The following DIAPH2 variants were observed in gnomAD, a reference collection of about 807,000 sequenced individuals.
DIAPH2 encodes the protein protein diaphanous homolog 2.
A neutral mutation model predicts 92.7 loss-of-function variants in DIAPH2; 35 were observed. That is an observed-to-expected ratio of 0.38 (90% CI 0.29 to 0.50). The LOEUF is 0.50. Among genes scored for constraint, DIAPH2 ranks in the 20% least tolerant of loss-of-function variants. The probability of loss-of-function intolerance (pLI) is 0.94; values close to 1 mark genes in which losing one functional copy is unlikely to be tolerated. For synonymous variants in DIAPH2, 301 were observed against 280.4 expected (o/e 1.07, Z -0.73); for missense variants, 701 against 819.5 (o/e 0.86, Z 1.77).
Position 97,599,538 on chromosome X carries a change from AT to A in DIAPH2, c.*225del. ...TTATCAGGATTACAAAATGTGTTCC[AT>A]TTTAGTGTAAAGATGTGTATCATTT... is the stretch of plus-strand genomic sequence containing the variant. On this transcript the variant is annotated 3_prime_UTR_variant, in exon 27 of 27. Transcript: ENST00000324765. 1 of 240,019 alleles carries A rather than the reference AT, an allele frequency of 4.2e-6. No individual in the cohort carries two copies. Among genetic ancestry groups the A allele is most frequent in the Non-Finnish European group, 7.6e-6 (1 of 130,855 alleles). The allele number at this position is 240,019 out of a possible 1,213,427, so 19.8% of individuals were successfully genotyped here. A position where few individuals can be genotyped will look rare whatever the true frequency, so the allele number is the denominator to read the frequency against.
At chrX:96,913,224 T>A (rs930588025) in intron 7 of DIAPH2, among the ~76,000 whole-genome samples, 4 of 111,334 alleles carry the variant, frequency 3.6e-5, no homozygotes, top group African/African-American at 1.3e-4. Flanking sequence ...TTGGAAAAAG[T>A]GTATTTGACT....
At chrX:97,355,884 T>A (rs6620265) in intron 24 of DIAPH2, among the ~76,000 whole-genome samples, 3,903 of 111,772 alleles carry the variant, frequency 0.035, 180 homozygotes, top group African/African-American at 0.12. Flanking sequence ...CTGAGTGCCT[T>A]TATTCTAGAG....
At chrX:97,237,509 T>C (rs963460312) in intron 22 of DIAPH2, among the ~76,000 whole-genome samples, 1 of 111,307 alleles carries the variant, frequency 9.0e-6, no homozygotes, top group African/African-American at 3.3e-5. Flanking sequence ...GTTTGAGTTG[T>C]AGGTGGGTGG....
intron 1 of DIAPH2, among the ~76,000 whole-genome samples, chrX:96,695,481 A>C (rs1441201754): frequency 2.7e-5 from 3 of 111,865 alleles, no homozygotes; most frequent in Non-Finnish European, 1.9e-5. Flanking sequence ...AAAATCCTAC[A>C]TTTTAATATA....
At chrX:96,882,959 CAAA>C (rs1211958338) in intron 5 of DIAPH2, among the ~76,000 whole-genome samples, 1 of 32,004 alleles carries the variant, frequency 3.1e-5, no homozygotes, top group African/African-American at 1.1e-4. Flanking sequence ...ACCCTGTCTC[CAAA>C]AAAAAAAAAA....
At chrX:97,130,527 T>G in intron 21 of DIAPH2, among the ~76,000 whole-genome samples, 1 of 112,006 alleles carries the variant, frequency 8.9e-6, no homozygotes, top group Non-Finnish European at 1.9e-5. Context: ...TACTATATAT[T>G]CCACTTATAT....
chrX:97,056,531 G>A (rs777187599), intron 17 of DIAPH2, among the ~76,000 whole-genome samples: 18 of 111,873 alleles, frequency 1.6e-4, no homozygotes, highest in East Asian at 2.8e-4. Context: ...TCATTGCATC[G>A]TGCTTGAATT....
intron 22 of DIAPH2, among the ~76,000 whole-genome samples, chrX:97,168,449 C>G (rs1191652778): frequency 1.8e-5 from 2 of 111,127 alleles, no homozygotes; most frequent in Non-Finnish European, 3.8e-5. Flanking sequence ...TTAAGTAACC[C>G]TTTCTACCTT....
chrX:97,356,267 T>C (rs1050387133), intron 24 of DIAPH2, among the ~76,000 whole-genome samples: 4 of 111,582 alleles, frequency 3.6e-5, no homozygotes, highest in African/African-American at 1.3e-4. Flanking sequence ...TCTCCCCTTT[T>C]GTTCAAGTGC....
chrX:97,162,482 G>A (rs892350780), intron 22 of DIAPH2, among the ~76,000 whole-genome samples: 2 of 111,338 alleles, frequency 1.8e-5, no homozygotes, highest in African/African-American at 6.5e-5. Context: ...TATTATTGTA[G>A]TATCTATATT....
intron 26 of DIAPH2, among the ~76,000 whole-genome samples, chrX:97,453,129 A>G (rs757532939): frequency 1.8e-5 from 2 of 111,320 alleles, no homozygotes; most frequent in Admixed American, 9.6e-5. Flanking sequence ...TGTTCATATT[A>G]TACTGTATAC....
At chrX:97,414,064 C>T (rs1334131575) in intron 25 of DIAPH2, among the ~76,000 whole-genome samples, 2 of 111,617 alleles carry the variant, frequency 1.8e-5, no homozygotes, top group Non-Finnish European at 3.8e-5. Flanking sequence ...TTACAGTTCA[C>T]ATGGAACCAA....
At chrX:96,867,148 T>C (rs1170571291) in intron 4 of DIAPH2, among the ~76,000 whole-genome samples, 1 of 112,110 alleles carries the variant, frequency 8.9e-6, no homozygotes, top group Non-Finnish European at 1.9e-5. Context: ...TTTGTACTTT[T>C]ATAAAAACCC....
At chrX:97,487,195 C>A (rs974297970) in intron 26 of DIAPH2, among the ~76,000 whole-genome samples, 2 of 112,383 alleles carry the variant, frequency 1.8e-5, no homozygotes, top group Non-Finnish European at 3.8e-5. Context: ...GATTATTTCC[C>A]TATCTTGGCT....
At chrX:96,874,871 G>A (rs1057231183) in intron 4 of DIAPH2, among the ~76,000 whole-genome samples, 1 of 111,760 alleles carries the variant, frequency 8.9e-6, no homozygotes, top group East Asian at 2.8e-4. Context: ...TATGGACACA[G>A]AATTAAAAAC....
intron 7 of DIAPH2, among the ~76,000 whole-genome samples, chrX:96,915,621 C>T (rs1170370561): frequency 5.4e-5 from 6 of 110,798 alleles, no homozygotes; most frequent in African/African-American, 2.0e-4. Flanking sequence ...TCCAATTTCA[C>T]CATTAGACTG....
intron 24 of DIAPH2, among the ~76,000 whole-genome samples, chrX:97,375,612 T>TAGA (rs961309087): frequency 8.9e-6 from 1 of 112,227 alleles, no homozygotes; most frequent in East Asian, 2.8e-4. Flanking sequence ...TTATTGCATA[T>TAGA]AGAATTGCCT....
At chrX:97,478,057 C>G (rs2070624440) in intron 26 of DIAPH2, among the ~76,000 whole-genome samples, 1 of 111,912 alleles carries the variant, frequency 8.9e-6, no homozygotes, top group Non-Finnish European at 1.9e-5. Context: ...GGAAGAGTGA[C>G]TCTTCTAGTT....
rs2070876157 is a variant in DIAPH2 at position 97,510,230 on chromosome X, G to C, written c.3241+80485G>C. ...CTGGTGTGAGATGGTATCTCATTAT[G>C]GTTTTGATTTGCATTTCTCTGATGG... On this transcript the variant is annotated intron_variant, in intron 26 of 26. Coordinates refer to ENST00000324765, the MANE Select transcript of DIAPH2 (RefSeq NM_006729.5). Among the ~76,000 whole-genome samples the C allele has an allele frequency of 2.7e-5, 3 of 110,590 alleles. No homozygotes were observed. In the Admixed American group the frequency reaches 2.8e-4, roughly 10 times the overall value.
Sources: gnomAD v4.1 joint callset for allele counts (sites outside exome capture counted in the v4.1 genomes callset) on GRCh38, gnomAD v4.1.1 for gene constraint, MANE v1.5 for transcripts, NCBI Gene and HGNC (gene_info 2026-07-23, HGNC 2026-07-21) for gene names.